The following CSDE1 variants were observed in gnomAD, a reference collection of about 807,000 sequenced individuals.
CSDE1 encodes cold shock domain containing E1.
Under a neutral mutation model 89.3 loss-of-function variants are expected in CSDE1, and 17 were observed. The observed-to-expected ratio is 0.19, with a 90% CI of 0.13 to 0.29. The LOEUF (loss-of-function observed/expected upper bound fraction) is 0.29. CSDE1 is among the 10% of genes least tolerant of loss of function. The pLI, the probability that CSDE1 is intolerant of heterozygous loss-of-function variation, is 1.00. For synonymous variants in CSDE1, 322 were observed against 332.8 expected (o/e 0.97, Z 0.35); for missense variants, 672 against 984.2 (o/e 0.68, Z 4.24).
rs1481678781 is a variant in CSDE1, at chr1:114,719,558, A to C, written c.2216+21T>G. On this transcript the variant is annotated intron_variant, in intron 18 of 19. Transcript: ENST00000358528. ...GACACTCCAGGGTAGTTACTAATCA[A>C]ACCACAACAACAAAACTCACCAGAC... 2.5e-6 allele frequency: 4 copies of C among 1,609,258 alleles called. No homozygotes were observed. In the African/African-American group the frequency reaches 5.4e-5, roughly 22 times the overall value.
intron 2 of CSDE1, among the ~76,000 whole-genome samples, chr1:114,742,784 G>GGAC (rs1287225067): frequency 6.6e-6 from 1 of 152,080 alleles, no homozygotes; most frequent in Non-Finnish European, 1.5e-5. Flanking sequence ...ACTATGACAT[G>GGAC]GACTTAAATT....
chr1:114,721,414 G>T (rs978683038), intron 16 of CSDE1, among the ~76,000 whole-genome samples: 15 of 152,174 alleles, frequency 9.9e-5, no homozygotes, highest in African/African-American at 3.6e-4. Flanking sequence ...GTATGAAGTT[G>T]CCTGGAGCCC....
intron 10 of CSDE1, 79 bp from the exon 11 acceptor site, chr1:114,730,727 T>A: frequency 6.5e-7 from 1 of 1,530,852 alleles, no homozygotes. Flanking sequence ...ACCATCAAGT[T>A]AAATTCATCA....
At position 114,725,319 on chromosome 1, in the gene CSDE1, T is replaced by C; in HGVS notation, c.1655A>G (p.Asp552Gly). 2 of 1,613,942 alleles carry C rather than the reference T, an allele frequency of 1.2e-6. No individual in the cohort carries two copies. Among genetic ancestry groups the C allele is most frequent in the Non-Finnish European group, 1.7e-6 (2 of 1,179,842 alleles). The change falls in exon 15 of 20, where the codon GAT becomes GGT. Residue 552 changes from aspartate to glycine, a missense_variant. Asp to Gly is a moderately conservative substitution (Grantham distance 94). This residue lies in a region of CSDE1 where 206 missense variants were observed against 332.4 expected (regional missense o/e 0.62). Transcript: ENST00000358528. Reference protein sequence around the residue: ...IFFHYSEFSGDVDSLELGDMV... With the variant: ...IFFHYSEFSGGVDSLELGDMV... ...GTCCCCCAGTTCCAGGCTATCAACA[T>C]CACCAGAGAACTCACTAAGGAGAAA...
chr1:114,736,532 A>G (rs1054037414), intron 6 of CSDE1, among the ~76,000 whole-genome samples: 12 of 152,178 alleles, frequency 7.9e-5, no homozygotes, highest in African/African-American at 2.7e-4. Flanking sequence ...TCTCTAGAAC[A>G]AGTCCTTAAA....
At chr1:114,734,371 A>G (rs964895637) in intron 7 of CSDE1, 71 bp downstream of exon 7, 1 of 1,352,372 alleles carries the variant, frequency 7.4e-7, no homozygotes, top group Non-Finnish European at 1.0e-6. Flanking sequence ...AAAAAAAACA[A>G]AGGCTGGAGT....
intron 10 of CSDE1, 89 bp from the exon 11 acceptor site, chr1:114,730,737 A>G: frequency 5.4e-6 from 8 of 1,486,248 alleles, no homozygotes; most frequent in Non-Finnish European, 7.4e-6. Flanking sequence ...TAAATTCATC[A>G]GGAATTTTCT....
intron 2 of CSDE1, among the ~76,000 whole-genome samples, chr1:114,747,672 A>G (rs1661085352): frequency 6.6e-6 from 1 of 152,144 alleles, no homozygotes; most frequent in Admixed American, 6.5e-5. Flanking sequence ...AGACTGGCCA[A>G]CACGGTGAAA....
Position 114,727,075 on chromosome 1 carries a change from T to G in CSDE1, c.1372A>C (p.Ile458Leu). 1 of 1,612,986 alleles carries G rather than the reference T, an allele frequency of 6.2e-7. No homozygotes were observed. The highest frequency in any genetic ancestry group is 8.5e-7 in the Non-Finnish European group (1 of 1,179,052). ...ACCCCACAGTCATCATAAGCAATAA[T>G]GCCATCCTCAGCCTCCTAAAGAGAT... ...KGKEKEAEDG[I>L]IAYDDCGVKL... The change falls in exon 13 of 20, where the codon ATT becomes CTT. Residue 458 changes from isoleucine (I) to leucine (L), a missense_variant. This residue lies in a region of CSDE1 where 108 missense variants were observed against 105.0 expected (regional missense o/e 1.03). Coordinates refer to ENST00000358528, the MANE Select transcript of CSDE1 (RefSeq NM_001007553.3).
intron 12 of CSDE1, among the ~76,000 whole-genome samples, chr1:114,729,108 T>A (rs1195217365): frequency 2.0e-5 from 3 of 152,148 alleles, no homozygotes; most frequent in Non-Finnish European, 4.4e-5. Flanking sequence ...GGTCTAAATT[T>A]TTTTTTTGGA....
intron 6 of CSDE1, among the ~76,000 whole-genome samples, 169 bp downstream of exon 6, chr1:114,736,589 C>G (rs1237805826): frequency 6.8e-6 from 1 of 147,586 alleles, no homozygotes. Context: ...GACCCTGCAT[C>G]ATGGCTGTAA....
chr1:114,736,883 T>C lies in CSDE1; in HGVS notation c.403-28A>G, dbSNP rs772452746. The C allele has an allele frequency of 5.1e-5, 79 of 1,550,082 alleles. 1 individual carries two copies. The Admixed American group carries it at 1.3e-3, about 26-fold the overall frequency. On this transcript the variant is annotated intron_variant, in intron 5 of 19. Coordinates refer to ENST00000358528, the MANE Select transcript of CSDE1 (RefSeq NM_001007553.3). ...GTGAATTAATAAATCATTATTACTA[T>C]TTTGGCAGGATGCATATTCACTGTA... is the stretch of plus-strand genomic sequence containing the variant.
At chr1:114,727,167 A>G in intron 12 of CSDE1, 77 bp from the exon 13 acceptor site, 1 of 1,004,750 alleles carries the variant, frequency 1.0e-6, no homozygotes, top group Non-Finnish European at 1.5e-6. Flanking sequence ...TAGTTCTTAC[A>G]TATTCTTGTG....
chr1:114,739,624 C>A (rs546496167), intron 3 of CSDE1, 68 bp downstream of exon 3: 471 of 1,364,212 alleles, frequency 3.5e-4, no homozygotes, highest in Non-Finnish European at 4.7e-4. Context: ...GAAAAACACT[C>A]ATGAACAAAT....
At chr1:114,725,824 T>C (rs112594967) in intron 14 of CSDE1, among the ~76,000 whole-genome samples, 3 of 152,138 alleles carry the variant, frequency 2.0e-5, no homozygotes, top group African/African-American at 7.2e-5. Context: ...TTTGTGGAGA[T>C]GGAGTTTCAC....
At position 114,718,024 on chromosome 1, in the gene CSDE1, AG is replaced by A; in HGVS notation, c.*144del. On this transcript the variant is annotated 3_prime_UTR_variant, in exon 20 of 20. Transcript: ENST00000358528. ...TATTTATTTTTTTAAACATAACACGAGGAAGGTGTTAAAACTGGTGTAATAG... is the reference window on the plus strand; with the variant it reads ...TATTTATTTTTTTAAACATAACACGAGAAGGTGTTAAAACTGGTGTAATAG... 1.4e-6 allele frequency: 1 copy of A among 725,256 alleles called. No homozygotes were observed. The highest frequency in any genetic ancestry group is 2.4e-6 in the Non-Finnish European group (1 of 422,544). The allele number at this position is 725,256 out of a possible 1,614,324, so 44.9% of individuals were successfully genotyped here.
intron 3 of CSDE1, among the ~76,000 whole-genome samples, chr1:114,738,405 T>C (rs1044698142): frequency 2.6e-5 from 4 of 152,150 alleles, no homozygotes; most frequent in African/African-American, 4.8e-5. Flanking sequence ...CATTTACACA[T>C]ACTACAAATG....
chr1:114,755,190 C>G (rs1320405079), intron 1 of CSDE1, among the ~76,000 whole-genome samples: 1 of 152,242 alleles, frequency 6.6e-6, no homozygotes, highest in Non-Finnish European at 1.5e-5. Context: ...AAGTGCACAA[C>G]AGCCACACGT....
chr1:114,743,908 C>A (rs990998367), intron 2 of CSDE1, among the ~76,000 whole-genome samples: 1 of 152,200 alleles, frequency 6.6e-6, no homozygotes, highest in Non-Finnish European at 1.5e-5. Context: ...GGGAAACACA[C>A]CACTCAAACA....
Sources: gnomAD v4.1 joint callset for allele counts (sites outside exome capture counted in the v4.1 genomes callset) on GRCh38, gnomAD v4.1.1 for gene constraint, gnomAD v4.1.1 regional missense constraint, MANE v1.5 for transcripts, NCBI Gene and HGNC (gene_info 2026-07-23, HGNC 2026-07-21) for gene names.